The following MLLT3 variants were observed in gnomAD, a reference collection of about 807,000 sequenced individuals.
The protein encoded by MLLT3 is MLLT3 super elongation complex subunit, also known as protein AF-9.
A neutral mutation model predicts 53.2 loss-of-function variants in MLLT3; 4 were observed. The ratio of observed to expected loss-of-function variants is 0.08; its 90% CI spans 0.04 to 0.17. The LOEUF (loss-of-function observed/expected upper bound fraction) is 0.17, where lower values mean the gene tolerates loss of function less well. Among genes scored for constraint, MLLT3 ranks in the 10% least tolerant of loss-of-function variants. The pLI is 1.00. For synonymous variants in MLLT3, 283 were observed against 230.6 expected (o/e 1.23, Z -2.06); for missense variants, 569 against 684.0 (o/e 0.83, Z 1.87).
intron 2 of MLLT3, among the ~76,000 whole-genome samples, chr9:20,597,976 T>C (rs1177307411): frequency 2.0e-5 from 3 of 152,254 alleles, no homozygotes; most frequent in Non-Finnish European, 2.9e-5. Flanking sequence ...TTTGCTTTAC[T>C]TCTAAATAAT....
At chr9:20,384,366 G>A (rs1821978033) in intron 5 of MLLT3, among the ~76,000 whole-genome samples, 1 of 151,844 alleles carries the variant, frequency 6.6e-6, no homozygotes, top group African/African-American at 2.4e-5. Context: ...CTGGTCATGT[G>A]GTATATCATC....
In MLLT3 at chr9:20,374,868, T is replaced by C. The variant is rs1821715967; in HGVS notation, c.1126-9124A>G. On this transcript the variant is annotated intron_variant, in intron 5 of 10. Coordinates refer to ENST00000380338, the MANE Select transcript of MLLT3 (RefSeq NM_004529.4). ...CATGTTGAAGCCTTAACCCCCAGTG[T>C]CCCAATACGATAGTATTTGAAGATG... Among the ~76,000 whole-genome samples, 3 of 152,172 alleles carry C rather than the reference T, an allele frequency of 2.0e-5. No homozygotes were observed. In the South Asian group the frequency reaches 6.2e-4, roughly 32 times the overall value.
At chr9:20,514,714 G>C (rs1468095310) in intron 2 of MLLT3, among the ~76,000 whole-genome samples, 1 of 151,960 alleles carries the variant, frequency 6.6e-6, no homozygotes, top group African/African-American at 2.4e-5. Context: ...GAAACTGTTA[G>C]GGCTTTATTT....
intron 10 of MLLT3, 96 bp downstream of exon 10, chr9:20,353,429 T>TGG: frequency 1.0e-6 from 1 of 995,796 alleles, no homozygotes; most frequent in Non-Finnish European, 1.6e-6. Flanking sequence ...TCTGATAGCG[T>TGG]GGGGCTGCAG....
At chr9:20,423,795 TA>T (rs77048838) in intron 4 of MLLT3, among the ~76,000 whole-genome samples, 33 of 143,266 alleles carry the variant, frequency 2.3e-4, no homozygotes, top group East Asian at 8.0e-4. Flanking sequence ...AAAATAAAAT[TA>T]AAAAAAAAAA....
chr9:20,620,985 C>G lies in MLLT3; in HGVS notation c.13-151G>C. Reference sequence around the variant, plus strand: ...TGCATCCACGTTTCACGCGCGTGGGCGCGCACACTCCACACCCCCAAATAT... The same window carrying G: ...TGCATCCACGTTTCACGCGCGTGGGGGCGCACACTCCACACCCCCAAATAT... On this transcript the variant is annotated intron_variant, in intron 1 of 10. Transcript: ENST00000380338. The surrounding 1 kb of genome is among the most constrained non-coding windows in gnomAD (Gnocchi z 6.1). The G allele has an allele frequency of 1.0e-6, 1 of 953,232 alleles. No homozygotes were observed. The highest frequency in any genetic ancestry group is 1.6e-6 in the Non-Finnish European group (1 of 616,860). 59.0% of individuals were successfully genotyped at this position (953,232 alleles called of 1,614,324 possible).
chr9:20,495,141 T>C (rs1825051028), intron 2 of MLLT3, among the ~76,000 whole-genome samples: 1 of 152,166 alleles, frequency 6.6e-6, no homozygotes, highest in African/African-American at 2.4e-5. Context: ...TAGGCCTATA[T>C]AAATCATTTT....
chr9:20,351,611 T>G (rs910779191), intron 10 of MLLT3, among the ~76,000 whole-genome samples: 1 of 152,208 alleles, frequency 6.6e-6, no homozygotes, highest in Non-Finnish European at 1.5e-5. Context: ...TATTAACCGC[T>G]TTTTGTGAGC....
intron 4 of MLLT3, among the ~76,000 whole-genome samples, chr9:20,444,968 G>A (rs968541955): frequency 4.6e-5 from 7 of 151,610 alleles, no homozygotes; most frequent in African/African-American, 1.7e-4. Context: ...GCGTGCATCT[G>A]TAGTCACAGC....
intron 5 of MLLT3, among the ~76,000 whole-genome samples, chr9:20,369,448 T>A (rs1034831671): frequency 6.6e-6 from 1 of 152,296 alleles, no homozygotes; most frequent in Middle Eastern, 3.4e-3. Flanking sequence ...AAAATTGACT[T>A]ATCCAGAGGC....
chr9:20,428,849 T>C (rs895889670), intron 4 of MLLT3, among the ~76,000 whole-genome samples: 1 of 151,892 alleles, frequency 6.6e-6, no homozygotes, highest in Non-Finnish European at 1.5e-5. Flanking sequence ...TAAGAATATA[T>C]CATAAATAAT....
rs182185297 is a variant in MLLT3 at position 20,356,137 on chromosome 9, A to G, written c.1432-1258T>C. Among the ~76,000 whole-genome samples, 361 of 152,304 alleles carry G rather than the reference A, an allele frequency of 2.4e-3. 2 individuals are homozygous for G. Among genetic ancestry groups the G allele is most frequent in the African/African-American group, 8.2e-3 (340 of 41,566 alleles). On this transcript the variant is annotated intron_variant, in intron 8 of 10. Transcript: ENST00000380338. ...TACTGGATGAGGATAGGAACATGAC[A>G]TCCTGGAAAAGACCGAATACTCCTG...
chr9:20,509,797 C>A (rs771904921), intron 2 of MLLT3, among the ~76,000 whole-genome samples: 1 of 151,988 alleles, frequency 6.6e-6, no homozygotes, highest in Non-Finnish European at 1.5e-5. Flanking sequence ...TTATATCCTG[C>A]CAAATGATTA....
chr9:20,422,008 T>A lies in MLLT3; in HGVS notation c.421-7583A>T, dbSNP rs529514907. ...ACACCTTAACAATTGGTAGGATTAA[T>A]GTGTTTTAAAGAATCAAAACCTATT... On this transcript the variant is annotated intron_variant, in intron 4 of 10. Transcript: ENST00000380338. 4.6e-5 allele frequency among the ~76,000 whole-genome samples: 7 copies of A among 152,270 alleles called. No homozygotes were observed. In the South Asian group the frequency reaches 1.0e-3, roughly 23 times the overall value.
intron 2 of MLLT3, among the ~76,000 whole-genome samples, chr9:20,585,722 A>G (rs1430700883): frequency 2.0e-5 from 3 of 152,210 alleles, no homozygotes; most frequent in African/African-American, 7.2e-5. Flanking sequence ...AAGGTGTCGC[A>G]AAATACTCTT....
At chr9:20,568,135 G>A (rs1370417938) in intron 2 of MLLT3, among the ~76,000 whole-genome samples, 1 of 152,116 alleles carries the variant, frequency 6.6e-6, no homozygotes, top group Non-Finnish European at 1.5e-5. Context: ...CATTTTAAAA[G>A]CATCCGCCAC....
chr9:20,570,532 G>T (rs1454160445), intron 2 of MLLT3, among the ~76,000 whole-genome samples: 2 of 152,092 alleles, frequency 1.3e-5, no homozygotes, highest in Admixed American at 6.6e-5. Flanking sequence ...TTGTTTAAAT[G>T]AGATTTCTGG....
At chr9:20,574,096 G>A (rs992601092) in intron 2 of MLLT3, among the ~76,000 whole-genome samples, 1 of 152,146 alleles carries the variant, frequency 6.6e-6, no homozygotes, top group Non-Finnish European at 1.5e-5. Context: ...CCGGGTTCTG[G>A]ACACTACATC....
intron 2 of MLLT3, among the ~76,000 whole-genome samples, chr9:20,459,075 G>A (rs1268455598): frequency 2.0e-5 from 3 of 152,198 alleles, no homozygotes; most frequent in Admixed American, 6.5e-5. Flanking sequence ...CACAGCCATC[G>A]ACATACAAGG....
Sources: allele counts gnomAD v4.1 joint callset (sites outside exome capture counted in the v4.1 genomes callset), GRCh38; gene constraint gnomAD v4.1.1; non-coding constraint Gnocchi (gnomAD v3.1); transcripts MANE v1.5; gene names NCBI Gene and HGNC (gene_info 2026-07-23, HGNC 2026-07-21).